The following VPS13B variants were observed in gnomAD, a reference collection of about 807,000 sequenced individuals.
The protein encoded by VPS13B is intermembrane lipid transfer protein VPS13B.
Under a neutral mutation model 426.4 loss-of-function variants are expected in VPS13B, and 285 were observed. The ratio of observed to expected loss-of-function variants is 0.67; its 90% confidence interval spans 0.61 to 0.74. The LOEUF is 0.74. Ranked by LOEUF, VPS13B falls within the 30% of genes least tolerant of loss-of-function variation. The pLI is 0.00. For synonymous variants in VPS13B, 1,676 were observed against 1,676.4 expected (o/e 1.00, Z 0.01); for missense variants, 4,537 against 4,782.6 (o/e 0.95, Z 1.51).
In VPS13B at chr8:99,861,846, G is replaced by A. The variant is rs1816853385; in HGVS notation, c.11115G>A (p.Glu3705=). The A allele has an allele frequency of 1.2e-6, 2 of 1,601,016 alleles. No homozygotes were observed. Among genetic ancestry groups the A allele is most frequent in the African/African-American group, 1.3e-5 (1 of 74,794 alleles). ...ACATGGACCGGCTCTCACTGGATGAGGAGCACTACAACCGGCAGGAGGAGT... is the reference window on the plus strand; with the variant it reads ...ACATGGACCGGCTCTCACTGGATGAAGAGCACTACAACCGGCAGGAGGAGT... ...ARNMDRLSLD[E]EHYNRQEEWR... Residue 3705 remains glutamate, a synonymous_variant, in exon 58 of 62, where the codon GAG becomes GAA. Coordinates refer to ENST00000357162, the MANE Select transcript of VPS13B (RefSeq NM_152564.5).
At chr8:99,784,245 G>A in intron 42 of VPS13B, 70 bp from the exon 43 acceptor site, 2 of 1,598,694 alleles carry the variant, frequency 1.3e-6, no homozygotes, top group East Asian at 2.2e-5. Flanking sequence ...AATCGCCACT[G>A]GGCAGACAGC....
Position 99,735,736 on chromosome 8 carries a change from G to C in VPS13B, c.7050+14689G>C, listed in dbSNP as rs1430805854. On this transcript the variant is annotated intron_variant, in intron 39 of 61. Coordinates refer to ENST00000357162, the MANE Select transcript of VPS13B (RefSeq NM_152564.5). ...AATCAACAAAGGAGTGGTCAAAAAGGAAGGCCGTGGAGGCAACAGTGTCAG... is the reference window on the plus strand; with the variant it reads ...AATCAACAAAGGAGTGGTCAAAAAGCAAGGCCGTGGAGGCAACAGTGTCAG... Among the ~76,000 whole-genome samples, 5 of 152,184 alleles carry C rather than the reference G, an allele frequency of 3.3e-5. No individual in the cohort carries two copies. The East Asian group carries it at 9.6e-4, about 29-fold the overall frequency.
chr8:99,821,669 G>T (rs1191143890), intron 50 of VPS13B, among the ~76,000 whole-genome samples, 187 bp downstream of exon 50: 1 of 151,866 alleles, frequency 6.6e-6, no homozygotes, highest in Non-Finnish European at 1.5e-5. Flanking sequence ...CTTTACCAGT[G>T]ATAAAAGCTG....
At chr8:99,274,483 C>A in intron 18 of VPS13B, 151 bp downstream of exon 18, 2 of 1,258,874 alleles carry the variant, frequency 1.6e-6, no homozygotes, top group Non-Finnish European at 2.2e-6. Flanking sequence ...TCTAATTGTG[C>A]CAGGATGGTA....
chr8:99,844,262 T>C (rs1009523609), intron 54 of VPS13B, among the ~76,000 whole-genome samples: 4 of 152,246 alleles, frequency 2.6e-5, no homozygotes, highest in African/African-American at 4.8e-5. Flanking sequence ...ATCAGGGTAC[T>C]GGCAGATTCG....
chr8:99,843,426 C>T (rs1159587105), intron 54 of VPS13B, among the ~76,000 whole-genome samples: 2 of 152,154 alleles, frequency 1.3e-5, no homozygotes, highest in East Asian at 1.9e-4. Context: ...AAATCTTCCC[C>T]GCAAGGTTGG....
intron 21 of VPS13B, among the ~76,000 whole-genome samples, chr8:99,428,641 C>G (rs1816882377): frequency 6.6e-6 from 1 of 152,140 alleles, no homozygotes; most frequent in Admixed American, 6.5e-5. Context: ...ACAACAGGTG[C>G]TGGAGAGGAT....
intron 21 of VPS13B, among the ~76,000 whole-genome samples, chr8:99,403,876 G>A (rs78126565): frequency 0.02 from 3,091 of 152,166 alleles, 115 homozygotes; most frequent in African/African-American, 0.071. Context: ...TGATTATGAA[G>A]GTATTAGTCA....
intron 31 of VPS13B, among the ~76,000 whole-genome samples, chr8:99,556,886 A>G (rs1221029284): frequency 1.0e-5 from 1 of 96,658 alleles, no homozygotes; most frequent in Non-Finnish European, 2.1e-5. Flanking sequence ...GTTAGCATAG[A>G]AAAAAAAAGC....
intron 30 of VPS13B, among the ~76,000 whole-genome samples, chr8:99,544,085 T>G (rs891404928): frequency 2.7e-5 from 4 of 148,530 alleles, no homozygotes; most frequent in African/African-American, 1.0e-4. Flanking sequence ...AATGCTAGAC[T>G]GGATTAAGAA....
Position 99,818,855 on chromosome 8 carries a change from C to T in VPS13B, c.8588C>T (p.Pro2863Leu). The change falls in exon 47 of 62, where the codon CCT becomes CTT. Residue 2863 changes from proline to leucine, a missense_variant. Pro to Leu is a moderately conservative substitution (Grantham distance 98, BLOSUM62 -3). Transcript: ENST00000357162. The part of the protein sequence containing the change: ...GQEKPLQNIE[P>L]DLVHHLTFQA... ...GAAAAACCACTGCAAAACATAGAAC[C>T]TGACCTTGTACATCACCTGACATTC... 6.2e-7 allele frequency: 1 copy of T among 1,613,372 alleles called. No homozygotes were observed. The highest frequency in any genetic ancestry group is 8.5e-7 in the Non-Finnish European group (1 of 1,179,850).
At chr8:99,601,012 T>A (rs970786234) in intron 33 of VPS13B, among the ~76,000 whole-genome samples, 6 of 152,234 alleles carry the variant, frequency 3.9e-5, no homozygotes, top group African/African-American at 1.4e-4. Context: ...TAATTTTTTT[T>A]ATTATACTTT....
At chr8:99,853,429 T>G in intron 55 of VPS13B, 22 bp from the exon 56 acceptor site, 2 of 1,611,544 alleles carry the variant, frequency 1.2e-6, no homozygotes, top group Non-Finnish European at 1.7e-6. Context: ...GGGACTAATG[T>G]TCTTGTCCCT....
chr8:99,597,838 CT>C (rs1411543444), intron 33 of VPS13B, among the ~76,000 whole-genome samples: 32 of 152,018 alleles, frequency 2.1e-4, no homozygotes, highest in Non-Finnish European at 5.9e-5. Context: ...ATCAGATGTT[CT>C]TACAGTATTC....
At chr8:99,730,917 G>A (rs1388480052) in intron 39 of VPS13B, among the ~76,000 whole-genome samples, 1 of 152,036 alleles carries the variant, frequency 6.6e-6, no homozygotes, top group African/African-American at 2.4e-5. Context: ...TTTAAACGAA[G>A]CTTACATTTG....
chr8:99,057,622 C>G (rs1324812886), intron 3 of VPS13B, among the ~76,000 whole-genome samples: 1 of 151,932 alleles, frequency 6.6e-6, no homozygotes, highest in East Asian at 1.9e-4. Context: ...AGGGGTCAGT[C>G]TTTTTTTTCC....
intron 35 of VPS13B, among the ~76,000 whole-genome samples, chr8:99,664,003 T>C (rs1830347665): frequency 1.3e-5 from 2 of 151,792 alleles, no homozygotes; most frequent in Middle Eastern, 3.4e-3. Context: ...GTATTAGAAA[T>C]GTGATTTTTT....
chr8:99,511,203 T>A lies in VPS13B; in HGVS notation c.4324T>A (p.Ser1442Thr), dbSNP rs143566455. Residue 1442 changes from serine to threonine, a missense_variant, in exon 29 of 62, where the codon TCA becomes ACA. By Grantham distance (58) the Ser-to-Thr change is moderately conservative. Around this residue, in one of 2 missense-constraint regions of VPS13B, gnomAD observed 4,311 missense variants for 4,474.3 expected, o/e 0.96. Coordinates refer to ENST00000357162, the MANE Select transcript of VPS13B (RefSeq NM_152564.5). ...AAAAAATGTCCGCCACAAGTTAACA[T>A]CAAGAAATGAGCGAAGAAGTTTTCA... ...VTKNVRHKLT[S>T]RNERRSFHKL... is the part of the protein sequence containing the mutation. The A allele has an allele frequency of 1.7e-4, 272 of 1,613,976 alleles. 1 individual carries two copies. Among genetic ancestry groups the A allele is most frequent in the Non-Finnish European group, 2.0e-4 (238 of 1,179,998 alleles).
intron 39 of VPS13B, among the ~76,000 whole-genome samples, chr8:99,741,142 A>G (rs1809699092): frequency 6.6e-6 from 1 of 152,322 alleles, no homozygotes; most frequent in South Asian, 2.1e-4. Context: ...TACCAAGCAA[A>G]TGGAAAACAA....
Sources: allele counts gnomAD v4.1 joint callset (sites outside exome capture counted in the v4.1 genomes callset), GRCh38; gene constraint gnomAD v4.1.1; regional missense constraint gnomAD v4.1.1; transcripts MANE v1.5; gene names NCBI Gene and HGNC (gene_info 2026-07-23, HGNC 2026-07-21).